The following ARHGEF7 variants were observed in gnomAD, a reference collection of about 807,000 sequenced individuals.
ARHGEF7 encodes the protein Rho guanine nucleotide exchange factor 7.
Under a neutral mutation model 109.8 loss-of-function variants are expected in ARHGEF7, and 33 were observed. The observed-to-expected ratio is 0.30, with a 90% CI of 0.23 to 0.40. ARHGEF7 has a LOEUF of 0.40. Among genes scored for constraint, ARHGEF7 ranks in the 10% least tolerant of loss-of-function variants. ARHGEF7 has a pLI of 1.00. For missense variants in ARHGEF7, 938 were observed against 1,098.5 expected (o/e 0.85, Z 2.07); for synonymous variants, 458 against 424.6 (o/e 1.08, Z -0.97).
At chr13:111,233,175 C>G (rs749880631) in intron 5 of ARHGEF7, 30 bp from the exon 6 acceptor site, 73 of 1,566,486 alleles carry the variant, frequency 4.7e-5, no homozygotes, top group Non-Finnish European at 6.2e-5. Flanking sequence ...TAGTACTGAT[C>G]AGTAAAACTA....
chr13:111,260,009 T>C (rs1483845224), intron 8 of ARHGEF7, among the ~76,000 whole-genome samples: 1 of 152,118 alleles, frequency 6.6e-6, no homozygotes, highest in African/African-American at 2.4e-5. Flanking sequence ...GCAGAATTGA[T>C]CAAGCAGAGG....
intron 6 of ARHGEF7, chr13:111,241,358 G>A (rs1236387308): frequency 8.5e-6 from 13 of 1,535,646 alleles, no homozygotes; most frequent in South Asian, 1.2e-5. Context: ...CCCCGGCTGC[G>A]CCCCGAGGTC....
intron 2 of ARHGEF7, among the ~76,000 whole-genome samples, chr13:111,175,694 T>G (rs1158496918): frequency 6.6e-6 from 1 of 152,256 alleles, no homozygotes; most frequent in East Asian, 1.9e-4. Flanking sequence ...GAGGTGGGAC[T>G]GCCCACTTCT....
chr13:111,217,305 G>A (rs1426341897), intron 4 of ARHGEF7, among the ~76,000 whole-genome samples: 2 of 152,212 alleles, frequency 1.3e-5, no homozygotes, highest in African/African-American at 4.8e-5. Flanking sequence ...GAGTGGTATA[G>A]TCATATAGCA....
chr13:111,300,671 G>T, intron 19 of ARHGEF7, 77 bp from the exon 20 acceptor site: 1 of 944,330 alleles, frequency 1.1e-6, no homozygotes, highest in South Asian at 1.7e-5. Flanking sequence ...TAAGTGACAT[G>T]GTATAGTCAA....
intron 2 of ARHGEF7, among the ~76,000 whole-genome samples, chr13:111,200,701 T>G (rs2027581): frequency 6.6e-6 from 1 of 152,090 alleles, no homozygotes; most frequent in African/African-American, 2.4e-5. Flanking sequence ...AAGGTTAGTA[T>G]TGATGTCTCA....
intron 19 of ARHGEF7, chr13:111,293,733 G>A (rs2093357418): frequency 3.6e-5 from 35 of 985,410 alleles, no homozygotes; most frequent in Non-Finnish European, 4.2e-5. Context: ...TCCTTCTTCA[G>A]GGTGGCTGTA....
intron 5 of ARHGEF7, among the ~76,000 whole-genome samples, chr13:111,229,852 G>GT (rs1206462083): frequency 6.6e-6 from 1 of 152,194 alleles, no homozygotes; most frequent in Non-Finnish European, 1.5e-5. Context: ...CTGGGTTTTG[G>GT]TTTCTTCTAG....
intron 2 of ARHGEF7, among the ~76,000 whole-genome samples, chr13:111,169,418 G>A (rs566061971): frequency 1.3e-5 from 2 of 152,258 alleles, no homozygotes; most frequent in Non-Finnish European, 2.9e-5. Flanking sequence ...AAGCAGGCTC[G>A]TCTTAACTGG....
At chr13:111,123,767 A>G (rs573909271) in intron 1 of ARHGEF7, among the ~76,000 whole-genome samples, 1 of 151,580 alleles carries the variant, frequency 6.6e-6, no homozygotes, top group Admixed American at 6.6e-5. Context: ...TCACCACCCT[A>G]TAAGGGAGGT....
intron 5 of ARHGEF7, among the ~76,000 whole-genome samples, chr13:111,219,798 A>G (rs531523283): frequency 6.6e-6 from 1 of 152,164 alleles, no homozygotes; most frequent in South Asian, 2.1e-4. Context: ...GTTATGTTCC[A>G]GTTAATGTAT....
rs1039417669 is a variant in ARHGEF7, at chr13:111,266,039, G to T, written c.951-1509G>T. ...TTAGACCCAGGCTCCAGCCACCTTTGTGTTGGATGCTGACGTCTTTCATTT... is the reference window on the plus strand; with the variant it reads ...TTAGACCCAGGCTCCAGCCACCTTTTTGTTGGATGCTGACGTCTTTCATTT... On this transcript the variant is annotated intron_variant, in intron 8 of 21. Coordinates refer to ENST00000646102, the MANE Select transcript of ARHGEF7 (RefSeq NM_001354046.2). This position sits in a 1 kb window ranked among gnomAD's most constrained non-coding sequence, Gnocchi z 4.8. Among the ~76,000 whole-genome samples the T allele has an allele frequency of 6.6e-6, 1 of 152,174 alleles. No homozygotes were observed. Among genetic ancestry groups the T allele is most frequent in the Non-Finnish European group, 1.5e-5 (1 of 68,018 alleles).
chr13:111,268,506 T>G (rs996052792), intron 9 of ARHGEF7, among the ~76,000 whole-genome samples: 1 of 152,240 alleles, frequency 6.6e-6, no homozygotes, highest in African/African-American at 2.4e-5. Flanking sequence ...CTAACTTAAG[T>G]ATTTAACTTC....
chr13:111,223,332 CT>C (rs1283802054), intron 5 of ARHGEF7, among the ~76,000 whole-genome samples: 3 of 152,186 alleles, frequency 2.0e-5, no homozygotes, highest in African/African-American at 7.2e-5. Context: ...AACTTAGAGA[CT>C]TCTCTGACCA....
intron 6 of ARHGEF7, chr13:111,241,415 G>C: frequency 6.9e-7 from 1 of 1,456,608 alleles, no homozygotes; most frequent in Non-Finnish European, 9.3e-7. Context: ...ACCCCAGCTG[G>C]AGTCAGGGAG....
intron 19 of ARHGEF7, among the ~76,000 whole-genome samples, chr13:111,298,418 A>T (rs1319257243): frequency 6.6e-6 from 1 of 152,140 alleles, no homozygotes; most frequent in Non-Finnish European, 1.5e-5. Context: ...CACGTGTCTC[A>T]GCAGCATTAC....
chr13:111,296,260 G>A (rs1436706181), intron 19 of ARHGEF7, among the ~76,000 whole-genome samples: 1 of 152,026 alleles, frequency 6.6e-6, no homozygotes, highest in African/African-American at 2.4e-5. Context: ...GGTGGGGGAG[G>A]GGCAGGGTTC....
chr13:111,249,924 A>C (rs923341687), intron 8 of ARHGEF7, among the ~76,000 whole-genome samples: 2 of 152,184 alleles, frequency 1.3e-5, no homozygotes, highest in Non-Finnish European at 2.9e-5. Context: ...TCACTTTCCC[A>C]CTGGCATAGT....
intron 21 of ARHGEF7, among the ~76,000 whole-genome samples, chr13:111,301,861 C>T (rs1193137534): frequency 6.6e-6 from 1 of 152,156 alleles, no homozygotes; most frequent in Non-Finnish European, 1.5e-5. Context: ...CACTGCACTC[C>T]AGTCTGAGCC....
Sources: allele counts gnomAD v4.1 joint callset (sites outside exome capture counted in the v4.1 genomes callset), GRCh38; gene constraint gnomAD v4.1.1; non-coding constraint Gnocchi (gnomAD v3.1); transcripts MANE v1.5; gene names NCBI Gene and HGNC (gene_info 2026-07-23, HGNC 2026-07-21).